Variants in ROBO2 observed in about 807,000 individuals in gnomAD.
ROBO2 encodes the protein roundabout guidance receptor 2, also known as roundabout homolog 2.
Under a neutral mutation model 160.8 loss-of-function variants are expected in ROBO2, and 53 were observed. The ratio of observed to expected loss-of-function variants is 0.33; its 90% CI spans 0.26 to 0.41. The LOEUF is 0.41. Among genes scored for constraint, ROBO2 ranks in the 10% least tolerant of loss-of-function variants. ROBO2 has a pLI of 1.00. For synonymous variants in ROBO2, 664 were observed against 611.7 expected (o/e 1.09, Z -1.26); for missense variants, 1,577 against 1,722.4 (o/e 0.92, Z 1.49).
At chr3:76,120,918 T>G (rs2070726600) in intron 2 of ROBO2, among the ~76,000 whole-genome samples, 1 of 152,188 alleles carries the variant, frequency 6.6e-6, no homozygotes, top group East Asian at 1.9e-4. Flanking sequence ...TGTCGAATAT[T>G]ATGTCTTATT....
intron 20 of ROBO2, among the ~76,000 whole-genome samples, chr3:77,603,323 G>A (rs746695462): frequency 2.0e-5 from 3 of 152,010 alleles, no homozygotes; most frequent in Non-Finnish European, 2.9e-5. Flanking sequence ...ATTAAAGAAC[G>A]AGTAAAGAGA....
In ROBO2 at chr3:77,453,096, A is replaced by T. The variant is rs77218553; in HGVS notation, c.389-24318A>T. Among the ~76,000 whole-genome samples the T allele has an allele frequency of 6.1e-3, 936 of 152,260 alleles. 11 individuals are homozygous for T. The highest frequency in any genetic ancestry group is 0.021 in the African/African-American group (874 of 41,562). On this transcript the variant is annotated intron_variant, in intron 2 of 25. Transcript: ENST00000461745. ...GTCTACTCAACATTGCCATTTAAAAATCTTACCAACATCTTATTCTATTTT... is the reference window on the plus strand; with the variant it reads ...GTCTACTCAACATTGCCATTTAAAATTCTTACCAACATCTTATTCTATTTT...
chr3:77,632,602 G>A, intron 23 of ROBO2: 6 of 1,535,716 alleles, frequency 3.9e-6, no homozygotes, highest in Non-Finnish European at 5.2e-6. Flanking sequence ...AGCACTGGTG[G>A]CAGCAGCAGA....
chr3:76,803,755 A>T (rs996786462), intron 2 of ROBO2, among the ~76,000 whole-genome samples: 3 of 152,168 alleles, frequency 2.0e-5, no homozygotes, highest in Non-Finnish European at 4.4e-5. Context: ...CAAGTTGGAC[A>T]ACTAAAACAA....
intron 2 of ROBO2, among the ~76,000 whole-genome samples, chr3:76,257,254 T>C (rs1035046076): frequency 3.9e-5 from 6 of 152,136 alleles, no homozygotes; most frequent in African/African-American, 1.4e-4. Context: ...CTTTAATTCC[T>C]TCTTAAATCA....
chr3:76,513,286 C>T (rs1169703071), intron 2 of ROBO2, among the ~76,000 whole-genome samples: 2 of 152,170 alleles, frequency 1.3e-5, no homozygotes, highest in East Asian at 3.8e-4. Context: ...CTCAGCTTTG[C>T]CTTACCCAGA....
At chr3:77,393,168 A>ATATAATATCAATTAACATATTTTTATTC in intron 2 of ROBO2, among the ~76,000 whole-genome samples, 1 of 152,232 alleles carries the variant, frequency 6.6e-6, no homozygotes, top group East Asian at 1.9e-4. Context: ...TTGTTTATTG[A>ATATAATATCAATTAACATATTTTTATTC]TATAATATCA....
At chr3:76,352,575 T>G (rs759475459) in intron 2 of ROBO2, among the ~76,000 whole-genome samples, 5 of 151,992 alleles carry the variant, frequency 3.3e-5, no homozygotes, top group Non-Finnish European at 7.4e-5. Flanking sequence ...CTGGTTTCTT[T>G]AGTATAGTAT....
At chr3:77,015,418 C>A (rs1299631594) in intron 2 of ROBO2, among the ~76,000 whole-genome samples, 1 of 152,128 alleles carries the variant, frequency 6.6e-6, no homozygotes, top group East Asian at 1.9e-4. Context: ...TTTAAGAGAA[C>A]ACTCCATTTT....
At chr3:76,621,833 A>T (rs144677244) in intron 2 of ROBO2, among the ~76,000 whole-genome samples, 1 of 152,208 alleles carries the variant, frequency 6.6e-6, no homozygotes, top group East Asian at 1.9e-4. Flanking sequence ...ACAGTATGGC[A>T]GTAATGCATA....
chr3:76,690,642 A>C (rs1209217938), intron 2 of ROBO2, among the ~76,000 whole-genome samples: 1 of 151,994 alleles, frequency 6.6e-6, no homozygotes, highest in African/African-American at 2.4e-5. Flanking sequence ...TTATATTTTT[A>C]TATTTATTAT....
At chr3:76,681,090 A>G (rs935846944) in intron 2 of ROBO2, among the ~76,000 whole-genome samples, 1 of 152,162 alleles carries the variant, frequency 6.6e-6, no homozygotes, top group African/African-American at 2.4e-5. Context: ...TTTATATTTT[A>G]AGTAAACAGT....
At chr3:77,292,945 C>CG (rs1173650679) in intron 2 of ROBO2, among the ~76,000 whole-genome samples, 2 of 144,784 alleles carry the variant, frequency 1.4e-5, no homozygotes, top group Non-Finnish European at 3.0e-5. Flanking sequence ...GACGATTAAA[C>CG]GGTAAGCTGA....
chr3:77,556,157 C>T (rs2093112952), intron 8 of ROBO2, among the ~76,000 whole-genome samples: 1 of 151,774 alleles, frequency 6.6e-6, no homozygotes, highest in South Asian at 2.1e-4. Flanking sequence ...TAAAAAATTA[C>T]TCATAGTGTT....
intron 23 of ROBO2, chr3:77,633,749 C>T (rs1055168094): frequency 6.6e-6 from 1 of 152,042 alleles, no homozygotes; most frequent in Admixed American, 6.5e-5. Context: ...AAATAGCATC[C>T]AAACTAAAAT....
At chr3:77,550,843 A>G in exon 8 of ROBO2, 1 of 1,613,020 alleles carries the variant, frequency 6.2e-7, no homozygotes, top group Non-Finnish European at 8.5e-7. Flanking sequence ...AACCAACCCC[A>G]GCAGCCCAAC....
At chr3:76,041,748 T>G (rs1191931212) in intron 2 of ROBO2, among the ~76,000 whole-genome samples, 1 of 152,032 alleles carries the variant, frequency 6.6e-6, no homozygotes, top group Non-Finnish European at 1.5e-5. Flanking sequence ...ATAAGGTCAT[T>G]CTATTGGCAT....
chr3:77,399,596 A>G (rs746618510), intron 2 of ROBO2, among the ~76,000 whole-genome samples: 21 of 152,170 alleles, frequency 1.4e-4, no homozygotes, highest in Non-Finnish European at 1.5e-4. Context: ...AATGACCATA[A>G]CATGTGGTTA....
intron 2 of ROBO2, among the ~76,000 whole-genome samples, chr3:76,041,948 C>A (rs937057614): frequency 6.6e-6 from 1 of 150,392 alleles, no homozygotes; most frequent in Non-Finnish European, 1.5e-5. Context: ...ACTGACAGCA[C>A]CAGGCATGTG....
Sources: gnomAD v4.1 joint callset for allele counts (sites outside exome capture counted in the v4.1 genomes callset) on GRCh38, gnomAD v4.1.1 for gene constraint, MANE v1.5 for transcripts, NCBI Gene and HGNC (gene_info 2026-07-23, HGNC 2026-07-21) for gene names.